The following RBFOX1 variants were observed in gnomAD, a reference collection of about 807,000 sequenced individuals.
RBFOX1 encodes RNA binding fox-1 homolog 1.
A neutral mutation model predicts 57.7 loss-of-function variants in RBFOX1; 8 were observed. The ratio of observed to expected loss-of-function variants is 0.14; its 90% CI spans 0.08 to 0.25. The LOEUF (loss-of-function observed/expected upper bound fraction) is 0.25. Ranked by LOEUF, RBFOX1 falls within the 10% of genes least tolerant of loss-of-function variation. The pLI is 1.00. For synonymous variants in RBFOX1, 326 were observed against 222.4 expected (o/e 1.47, Z -4.15); for missense variants, 611 against 548.5 (o/e 1.11, Z -1.14).
chr16:6,107,211 C>G (rs1024844992), intron 1 of RBFOX1, among the ~76,000 whole-genome samples: 7 of 152,050 alleles, frequency 4.6e-5, no homozygotes, highest in Admixed American at 4.6e-4. Flanking sequence ...TCTGTGGCCT[C>G]TTTGCTTATC....
chr16:6,087,088 A>T (rs1417767995), intron 1 of RBFOX1, among the ~76,000 whole-genome samples: 6 of 152,226 alleles, frequency 3.9e-5, no homozygotes, highest in Non-Finnish European at 1.5e-5. Context: ...AAAGAGACAA[A>T]TTTGACAGTA....
intron 3 of RBFOX1, among the ~76,000 whole-genome samples, chr16:6,971,645 C>G (rs1287536561): frequency 6.6e-6 from 1 of 152,008 alleles, no homozygotes; most frequent in Non-Finnish European, 1.5e-5. Flanking sequence ...GTCAAACATT[C>G]CAATTAGGAA....
chr16:5,591,643 A>G (rs1305237598), intron 2 of RBFOX1, among the ~76,000 whole-genome samples: 1 of 152,186 alleles, frequency 6.6e-6, no homozygotes, highest in Non-Finnish European at 1.5e-5. Flanking sequence ...TAAAACAATG[A>G]ACAGATGTGG....
chr16:6,062,767 A>C (rs534036474), intron 1 of RBFOX1, among the ~76,000 whole-genome samples: 1 of 151,944 alleles, frequency 6.6e-6, no homozygotes, highest in Non-Finnish European at 1.5e-5. Flanking sequence ...CTGTGTGGAG[A>C]TATTTACTCT....
chr16:6,536,219 T>G (rs2153824917), intron 2 of RBFOX1, among the ~76,000 whole-genome samples: 1 of 152,342 alleles, frequency 6.6e-6, no homozygotes, highest in South Asian at 2.1e-4. Context: ...AATTATAAAC[T>G]TACTTGCTTC....
chr16:5,409,339 A>AGGT (rs776195151), intron 1 of RBFOX1, among the ~76,000 whole-genome samples: 54 of 152,154 alleles, frequency 3.5e-4, no homozygotes, highest in African/African-American at 1.2e-3. Flanking sequence ...ACCTCCTTCA[A>AGGT]GGTGGTGTCT....
rs56960194 is a variant in RBFOX1, at chr16:6,552,940, A to G, written c.-63-101663A>G. On this transcript the variant is annotated intron_variant, in intron 2 of 15. Transcript: ENST00000550418. The stretch of plus-strand genomic sequence containing the variant: ...ATAGATTTCTGGTATCTATGTTACA[A>G]TCTTTTCTAATTAAAAATTTTTTAA... Among the ~76,000 whole-genome samples, 1,383 of 152,256 alleles carry G rather than the reference A, an allele frequency of 9.1e-3. 24 individuals are homozygous for G. The highest frequency in any genetic ancestry group is 0.031 in the African/African-American group (1,285 of 41,558).
chr16:7,120,830 T>TATATATACAC (rs1226442313), intron 4 of RBFOX1, among the ~76,000 whole-genome samples: 1 of 86,542 alleles, frequency 1.2e-5, no homozygotes, highest in Non-Finnish European at 2.6e-5. Flanking sequence ...TATGTATATA[T>TATATATACAC]ACACACACAC....
chr16:5,750,845 C>G (rs1247666559), intron 3 of RBFOX1, among the ~76,000 whole-genome samples: 1 of 152,226 alleles, frequency 6.6e-6, no homozygotes, highest in Non-Finnish European at 1.5e-5. Flanking sequence ...TGCTTCGGCT[C>G]ACGCATGGTG....
At chr16:5,833,542 G>T (rs2056357159) in intron 3 of RBFOX1, among the ~76,000 whole-genome samples, 1 of 150,652 alleles carries the variant, frequency 6.6e-6, no homozygotes, top group Non-Finnish European at 1.5e-5. Flanking sequence ...AGGTCAAAAG[G>T]AAAGGAGGCA....
intron 1 of RBFOX1, among the ~76,000 whole-genome samples, chr16:5,258,058 T>C (rs2062634423): frequency 6.6e-6 from 1 of 152,052 alleles, no homozygotes; most frequent in Non-Finnish European, 1.5e-5. Flanking sequence ...TGTCTATTTT[T>C]TGTAGAGATG....
chr16:6,764,627 G>A (rs182566699), intron 3 of RBFOX1, among the ~76,000 whole-genome samples: 1 of 152,124 alleles, frequency 6.6e-6, no homozygotes, highest in Non-Finnish European at 1.5e-5. Context: ...AACAATTAGA[G>A]ATGATAATTA....
At chr16:5,572,551 C>A (rs1003175196) in intron 2 of RBFOX1, among the ~76,000 whole-genome samples, 9 of 152,206 alleles carry the variant, frequency 5.9e-5, no homozygotes, top group African/African-American at 2.2e-4. Context: ...ACCAGAATCT[C>A]TCCAGGCATT....
At chr16:7,396,476 C>T (rs1373203639) in intron 4 of RBFOX1, among the ~76,000 whole-genome samples, 2 of 152,200 alleles carry the variant, frequency 1.3e-5, no homozygotes, top group South Asian at 2.1e-4. Flanking sequence ...TCTGCGCTTC[C>T]CTACACGTCC....
intron 1 of RBFOX1, among the ~76,000 whole-genome samples, chr16:5,414,531 G>A (rs543064075): frequency 6.6e-6 from 1 of 152,128 alleles, no homozygotes; most frequent in Non-Finnish European, 1.5e-5. Context: ...CAATTTGGGG[G>A]GCTGCTGTAG....
intron 2 of RBFOX1, among the ~76,000 whole-genome samples, chr16:6,468,149 A>G (rs1346858907): frequency 6.6e-6 from 1 of 152,220 alleles, no homozygotes; most frequent in Non-Finnish European, 1.5e-5. Context: ...AATGTGGGAT[A>G]GAATTCTAAC....
At chr16:6,763,872 A>G (rs1041088027) in intron 3 of RBFOX1, among the ~76,000 whole-genome samples, 2 of 152,166 alleles carry the variant, frequency 1.3e-5, no homozygotes, top group Admixed American at 1.3e-4. Context: ...TCATTTGCAT[A>G]TTGAAGTGCT....
intron 2 of RBFOX1, among the ~76,000 whole-genome samples, chr16:5,596,204 G>T (rs9922300): frequency 0.22 from 33,387 of 152,000 alleles, 3,800 homozygotes; most frequent in African/African-American, 0.26. Context: ...TGGTAGCTAG[G>T]TTCCCAAGTA....
chr16:6,221,123 T>A (rs535477271), intron 1 of RBFOX1, among the ~76,000 whole-genome samples: 1 of 152,210 alleles, frequency 6.6e-6, no homozygotes, highest in Non-Finnish European at 1.5e-5. Context: ...AGAAGTGTAA[T>A]CATAGGATTA....
Sources: allele counts gnomAD v4.1 joint callset (sites outside exome capture counted in the v4.1 genomes callset), GRCh38; gene constraint gnomAD v4.1.1; transcripts MANE v1.5; gene names NCBI Gene and HGNC (gene_info 2026-07-23, HGNC 2026-07-21).